UBASH3A: variants seen among roughly 807,000 people sequenced by gnomAD.
The protein encoded by UBASH3A is ubiquitin-associated and SH3 domain-containing protein A.
A neutral mutation model predicts 73.5 loss-of-function variants in UBASH3A; 63 were observed. The observed-to-expected ratio is 0.86, with a 90% confidence interval of 0.70 to 1.06. The LOEUF is 1.06. Ranked by LOEUF, UBASH3A falls within the 50% of genes least tolerant of loss-of-function variation. UBASH3A has a pLI of 0.00. For synonymous variants in UBASH3A, 363 were observed against 351.1 expected, an observed-to-expected ratio of 1.03 and a Z score of -0.38; for missense variants, 860 against 859.0, an observed-to-expected ratio of 1.00 and a Z score of -0.02.
chr21:42,439,966 T>TCCACACACACACCACACC (rs2053708443), intron 11 of UBASH3A, among the ~76,000 whole-genome samples: 1 of 80,672 alleles, frequency 1.2e-5, no homozygotes, highest in East Asian at 3.8e-4. Context: ...ACACCACACA[T>TCCACACACACACCACACC]CCACACACAC....
intron 1 of UBASH3A, 37 bp downstream of exon 1, chr21:42,404,095 A>G (rs2146476876): frequency 7.9e-7 from 1 of 1,272,536 alleles, no homozygotes; most frequent in Non-Finnish European, 1.0e-6. Context: ...CCCAGCCAGT[A>G]AGGCTGGTGC....
At chr21:42,439,952 ACACACAC>A (rs1306174323) in intron 11 of UBASH3A, among the ~76,000 whole-genome samples, 2 of 137,274 alleles carry the variant, frequency 1.5e-5, no homozygotes, top group East Asian at 4.4e-4. Context: ...CACACACACG[ACACACAC>A]CACACATCCA....
At chr21:42,425,519 G>A (rs780302658) in intron 7 of UBASH3A, among the ~76,000 whole-genome samples, 3 of 152,220 alleles carry the variant, frequency 2.0e-5, no homozygotes, top group Non-Finnish European at 4.4e-5. Flanking sequence ...GGAAACTGTC[G>A]ATTGTTCCAA....
chr21:42,420,931 T>C (rs903615046), intron 7 of UBASH3A, among the ~76,000 whole-genome samples: 11 of 152,224 alleles, frequency 7.2e-5, no homozygotes, highest in African/African-American at 2.7e-4. Context: ...AGGAAGGCTG[T>C]GTGTGATGCT....
chr21:42,421,443 C>T (rs1255984356), intron 7 of UBASH3A, among the ~76,000 whole-genome samples: 1 of 152,242 alleles, frequency 6.6e-6, no homozygotes, highest in Non-Finnish European at 1.5e-5. Context: ...TTATATTTCA[C>T]TCATTTGTTT....
chr21:42,437,685 A>G, intron 11 of UBASH3A, 105 bp downstream of exon 11: 1 of 1,006,016 alleles, frequency 9.9e-7, no homozygotes, highest in Non-Finnish European at 1.5e-6. Context: ...CTGGCAATGA[A>G]TGCCCACACC....
chr21:42,421,314 C>T (rs1164912985), intron 7 of UBASH3A, among the ~76,000 whole-genome samples: 1 of 152,126 alleles, frequency 6.6e-6, no homozygotes, highest in African/African-American at 2.4e-5. Flanking sequence ...ACAGAAAAAC[C>T]CTATGTTGTG....
chr21:42,443,367 G>A lies in UBASH3A; in HGVS notation c.1687G>A (p.Asp563Asn). The A allele has an allele frequency of 6.2e-7, 1 of 1,613,344 alleles. No homozygotes were observed. Among genetic ancestry groups the A allele is most frequent in the Non-Finnish European group, 8.5e-7 (1 of 1,179,666 alleles). Reference sequence around the variant, plus strand: ...GGCCGAGAGCTACCAGGAGTACATGGACAGGTGCACGGCGAGCATGGTGCA... The same window carrying A: ...GGCCGAGAGCTACCAGGAGTACATGAACAGGTGCACGGCGAGCATGGTGCA... ...MPAESYQEYM[D>N]RCTASMVQIV... Residue 563 changes from aspartate (D) to asparagine (N), a missense_variant, in exon 13 of 15, where the codon GAC (aspartate) becomes AAC (asparagine). Coordinates refer to ENST00000319294, the MANE Select transcript of UBASH3A (RefSeq NM_018961.4).
chr21:42,443,071 CCATGTCTGACTCTGCCATCA>C, intron 12 of UBASH3A: 2 of 1,263,330 alleles, frequency 1.6e-6, no homozygotes, highest in Non-Finnish European at 2.0e-6. Context: ...CATTCTCCAC[CCATGTCTGACTCTGCCATCA>C]CAGAGCCCTC....
chr21:42,427,923 C>G (rs1015669861), intron 8 of UBASH3A, among the ~76,000 whole-genome samples: 1 of 152,146 alleles, frequency 6.6e-6, no homozygotes, highest in Non-Finnish European at 1.5e-5. Flanking sequence ...ATTCCTATCT[C>G]GAAGTCCTAA....
chr21:42,415,428 C>T (rs377099539), intron 5 of UBASH3A, among the ~76,000 whole-genome samples: 4 of 152,348 alleles, frequency 2.6e-5, no homozygotes, highest in African/African-American at 7.2e-5. Context: ...GGGAGCTTCC[C>T]ATTTGCCTCT....
intron 12 of UBASH3A, 32 bp from the exon 13 acceptor site, chr21:42,443,280 A>T: frequency 6.3e-7 from 1 of 1,599,120 alleles, no homozygotes; most frequent in Admixed American, 1.7e-5. Flanking sequence ...CGAAAGTGCC[A>T]GGGCAGCAGC....
intron 8 of UBASH3A, 51 bp from the exon 9 acceptor site, chr21:42,432,052 G>A (rs1226223003): frequency 8.5e-7 from 1 of 1,183,248 alleles, no homozygotes; most frequent in South Asian, 1.3e-5. Context: ...TGCAAGTCCA[G>A]TGAGTTGGAT....
At chr21:42,429,071 G>A (rs2053487323) in intron 8 of UBASH3A, among the ~76,000 whole-genome samples, 1 of 152,224 alleles carries the variant, frequency 6.6e-6, no homozygotes, top group Non-Finnish European at 1.5e-5. Context: ...GAAAAGCAGA[G>A]GGGATCTGAT....
intron 6 of UBASH3A, among the ~76,000 whole-genome samples, chr21:42,417,285 G>A (rs149288870): frequency 0.017 from 2,610 of 151,686 alleles, 74 homozygotes; most frequent in African/African-American, 0.058. Context: ...TTAGCCGGGC[G>A]TGATGGCACG....
chr21:42,407,742 G>A (rs532029607), intron 2 of UBASH3A, among the ~76,000 whole-genome samples: 71 of 152,350 alleles, frequency 4.7e-4, no homozygotes, highest in African/African-American at 7.7e-4. Context: ...ACCAGCCTCC[G>A]TCGTGCGTCT....
chr21:42,420,567 A>G (rs1462807241), intron 7 of UBASH3A, among the ~76,000 whole-genome samples: 2 of 152,204 alleles, frequency 1.3e-5, no homozygotes, highest in Non-Finnish European at 2.9e-5. Context: ...ATTTACTACA[A>G]TGAATTGCCT....
At chr21:42,409,708 A>T (rs2053052390) in intron 3 of UBASH3A, 100 bp downstream of exon 3, 4 of 1,112,490 alleles carry the variant, frequency 3.6e-6, no homozygotes, top group Non-Finnish European at 5.2e-6. Flanking sequence ...TTTAAATGGG[A>T]TAGTCCAGAA....
At chr21:42,439,515 G>A (rs552812542) in intron 11 of UBASH3A, among the ~76,000 whole-genome samples, 2 of 152,200 alleles carry the variant, frequency 1.3e-5, no homozygotes, top group East Asian at 1.9e-4. Context: ...ACCAAACCAC[G>A]AAAGGACTCG....
Sources: allele counts gnomAD v4.1 joint callset (sites outside exome capture counted in the v4.1 genomes callset), GRCh38; gene constraint gnomAD v4.1.1; transcripts MANE v1.5; gene names NCBI Gene and HGNC (gene_info 2026-07-23, HGNC 2026-07-21).